RAPGEF5: variants seen among roughly 807,000 people sequenced by gnomAD.
The protein encoded by RAPGEF5 is Rap guanine nucleotide exchange factor 5.
A neutral mutation model predicts 125.2 loss-of-function variants in RAPGEF5; 65 were observed. That is an observed-to-expected ratio of 0.52 (90% confidence interval 0.43 to 0.64). RAPGEF5 has a LOEUF of 0.64. RAPGEF5 is among the 30% of genes least tolerant of loss of function. The pLI, the probability that RAPGEF5 is intolerant of heterozygous loss-of-function variation, is 0.00. For missense variants in RAPGEF5, 958 were observed against 1,048.1 expected (o/e 0.91, Z 1.19); for synonymous variants, 391 against 385.9 (o/e 1.01, Z -0.16).
intron 2 of RAPGEF5, among the ~76,000 whole-genome samples, chr7:22,316,805 T>C (rs889694251): frequency 6.6e-6 from 1 of 151,744 alleles, no homozygotes; most frequent in Non-Finnish European, 1.5e-5. Flanking sequence ...GCCGAAAAAT[T>C]TGACATCTTC....
intron 15 of RAPGEF5, 128 bp downstream of exon 15, chr7:22,157,727 C>G: frequency 2.0e-6 from 2 of 1,012,006 alleles, no homozygotes; most frequent in Non-Finnish European, 3.0e-6. Context: ...AGCTGCAGCC[C>G]CAGGCGCCCC....
At chr7:22,346,522 C>A in intron 1 of RAPGEF5, among the ~76,000 whole-genome samples, 1 of 152,140 alleles carries the variant, frequency 6.6e-6, no homozygotes, top group East Asian at 1.9e-4. Context: ...AAGCTGTTCA[C>A]TTCCCTCAAC....
Position 22,335,628 on chromosome 7 carries a change from G to T in RAPGEF5, c.232-17591C>A, listed in dbSNP as rs1044249479. On this transcript the variant is annotated intron_variant, in intron 1 of 25. Coordinates refer to ENST00000665637, the MANE Select transcript of RAPGEF5 (RefSeq NM_012294.5). ...AAGCCGTATCAACTCTAGGGTGGGG[G>T]GACACACAGAATGGTCAGACTGCCA... 1.7e-4 allele frequency among the ~76,000 whole-genome samples: 26 copies of T among 150,850 alleles called. 1 individual carries two copies. Among genetic ancestry groups the T allele is most frequent in the Non-Finnish European group, 4.4e-5 (3 of 67,832 alleles).
chr7:22,238,992 G>A (rs942667059), intron 7 of RAPGEF5, among the ~76,000 whole-genome samples: 1 of 152,142 alleles, frequency 6.6e-6, no homozygotes, highest in South Asian at 2.1e-4. Context: ...AAAAAAGCAG[G>A]AGCTTTATTT....
intron 6 of RAPGEF5, among the ~76,000 whole-genome samples, chr7:22,289,486 GTGTA>G (rs1782880377): frequency 6.6e-6 from 1 of 152,180 alleles, no homozygotes; most frequent in South Asian, 2.1e-4. Flanking sequence ...TTAGCAGAAT[GTGTA>G]TGTATGTGTG....
chr7:22,244,173 T>TAC (rs1786411042), intron 7 of RAPGEF5, among the ~76,000 whole-genome samples: 1 of 152,306 alleles, frequency 6.6e-6, no homozygotes, highest in East Asian at 1.9e-4. Flanking sequence ...TGTGTGTATA[T>TAC]ATACATATAT....
chr7:22,180,208 C>T (rs1784632506), intron 11 of RAPGEF5, among the ~76,000 whole-genome samples: 1 of 152,162 alleles, frequency 6.6e-6, no homozygotes, highest in Non-Finnish European at 1.5e-5. Context: ...ACAAACTTAA[C>T]ATAAGCTTCT....
chr7:22,194,809 G>T lies in RAPGEF5; in HGVS notation c.997-776C>A, dbSNP rs1041761868. On this transcript the variant is annotated intron_variant, in intron 9 of 25. Coordinates refer to ENST00000665637, the MANE Select transcript of RAPGEF5 (RefSeq NM_012294.5). ...ACAGCTTCCACAGCCCAGAGTGAGT[G>T]TGGCCCGCTGACGTGGCTCTGTCAC... 3.1e-6 allele frequency: 3 copies of T among 970,262 alleles called. No homozygotes were observed. In the African/African-American group the frequency reaches 5.3e-5, roughly 17 times the overall value. The allele number at this position is 970,262 out of a possible 1,614,324, so 60.1% of individuals were successfully genotyped here. A position where few individuals can be genotyped will look rare whatever the true frequency, so the allele number is the denominator to read the frequency against.
chr7:22,314,874 C>T (rs541827932), intron 3 of RAPGEF5, among the ~76,000 whole-genome samples: 2 of 152,276 alleles, frequency 1.3e-5, no homozygotes, highest in African/African-American at 4.8e-5. Flanking sequence ...TACCTGTTTA[C>T]TCTCATATCT....
chr7:22,206,153 A>T (rs1785391559), intron 9 of RAPGEF5, among the ~76,000 whole-genome samples: 1 of 152,160 alleles, frequency 6.6e-6, no homozygotes, highest in Non-Finnish European at 1.5e-5. Flanking sequence ...AGCTAGAAGA[A>T]ATCTTAGACA....
intron 6 of RAPGEF5, among the ~76,000 whole-genome samples, chr7:22,273,211 ATTTTTT>A (rs71026869): frequency 1.1e-3 from 103 of 96,554 alleles, no homozygotes; most frequent in East Asian, 3.6e-3. Context: ...ACTTAGGAGT[ATTTTTT>A]TTTTTTTTTT....
chr7:22,242,947 C>CAAAAAAAAAAAA (rs537954162), intron 7 of RAPGEF5, among the ~76,000 whole-genome samples: 3 of 65,706 alleles, frequency 4.6e-5, no homozygotes, highest in Non-Finnish European at 1.0e-4. Context: ...AACTCCGTCT[C>CAAAAAAAAAAAA]AAAAAAAAAA....
chr7:22,157,372 G>A (rs544386369), intron 15 of RAPGEF5, among the ~76,000 whole-genome samples: 1 of 152,280 alleles, frequency 6.6e-6, no homozygotes, highest in East Asian at 1.9e-4. Flanking sequence ...TGATATAGCT[G>A]TGTCTCCCAA....
chr7:22,140,920 A>T (rs1470275696), intron 20 of RAPGEF5, among the ~76,000 whole-genome samples: 2 of 152,170 alleles, frequency 1.3e-5, no homozygotes, highest in Admixed American at 6.5e-5. Flanking sequence ...AAAATAATAA[A>T]AAAAAATTAC....
rs142751588 is a variant in RAPGEF5 at position 22,248,177 on chromosome 7, C to T, written c.797-17258G>A. ...AGTAAAAAGAAACAAAAAACAAAAA[C>T]CCTGTGCTAGAGTAGGCCCTAGAAA... On this transcript the variant is annotated intron_variant, in intron 7 of 25. Transcript: ENST00000665637. Among the ~76,000 whole-genome samples, 92 of 152,192 alleles carry T rather than the reference C, an allele frequency of 6.0e-4. 1 individual carries two copies. The East Asian group carries it at 0.016, about 27-fold the overall frequency.
At chr7:22,340,224 C>G (rs1452520997) in intron 1 of RAPGEF5, among the ~76,000 whole-genome samples, 1 of 152,080 alleles carries the variant, frequency 6.6e-6, no homozygotes, top group Non-Finnish European at 1.5e-5. Context: ...CAAACAAGCG[C>G]CTGAGCTGAT....
intron 8 of RAPGEF5, among the ~76,000 whole-genome samples, chr7:22,222,797 G>A (rs891704552): frequency 6.6e-6 from 1 of 152,212 alleles, no homozygotes; most frequent in Non-Finnish European, 1.5e-5. Flanking sequence ...GTTGATGGTA[G>A]AAGACCAGTT....
At chr7:22,328,597 T>C (rs1031345834) in intron 1 of RAPGEF5, among the ~76,000 whole-genome samples, 4 of 152,216 alleles carry the variant, frequency 2.6e-5, no homozygotes, top group Non-Finnish European at 2.9e-5. Flanking sequence ...CATACCTACA[T>C]ACATACATTT....
chr7:22,125,463 A>G (rs1782708447), intron 25 of RAPGEF5, 141 bp downstream of exon 25: 2 of 728,678 alleles, frequency 2.7e-6, no homozygotes, highest in East Asian at 5.6e-5. Flanking sequence ...GAGACAATCT[A>G]CTATATATAT....
Sources: allele counts gnomAD v4.1 joint callset (sites outside exome capture counted in the v4.1 genomes callset), GRCh38; gene constraint gnomAD v4.1.1; transcripts MANE v1.5; gene names NCBI Gene and HGNC (gene_info 2026-07-23, HGNC 2026-07-21).